LRP1B: variants seen among roughly 807,000 people sequenced by gnomAD.
LRP1B encodes low-density lipoprotein receptor-related protein 1B.
A neutral mutation model predicts 556.6 loss-of-function variants in LRP1B; 217 were observed. The observed-to-expected ratio is 0.39, with a 90% confidence interval of 0.35 to 0.44. The LOEUF is 0.44. Ranked by LOEUF, LRP1B falls within the 20% of genes least tolerant of loss-of-function variation. The pLI is 1.00. For synonymous variants in LRP1B, 2,047 were observed against 1,865.8 expected (o/e 1.10, Z -2.50); for missense variants, 5,053 against 5,620.8 (o/e 0.90, Z 3.23).
At chr2:141,921,874 T>G (rs1700194933) in intron 1 of LRP1B, among the ~76,000 whole-genome samples, 1 of 152,096 alleles carries the variant, frequency 6.6e-6, no homozygotes, top group Admixed American at 6.6e-5. Context: ...AATTTCACAC[T>G]TAAGGGTTTC....
At chr2:140,751,575 A>G (rs1024081241) in intron 35 of LRP1B, among the ~76,000 whole-genome samples, 1 of 152,318 alleles carries the variant, frequency 6.6e-6, no homozygotes, top group East Asian at 1.9e-4. Context: ...ATAATATTTT[A>G]ATACTTTATT....
chr2:141,195,425 T>C (rs1034135881), intron 6 of LRP1B, among the ~76,000 whole-genome samples: 5 of 152,120 alleles, frequency 3.3e-5, no homozygotes, highest in African/African-American at 7.2e-5. Flanking sequence ...TTCTGACCCA[T>C]AGAAACTGTA....
At position 141,566,608 on chromosome 2, in the gene LRP1B, A is replaced by G. The variant is rs144737969; in HGVS notation, c.206-86075T>C. 4.1e-3 allele frequency among the ~76,000 whole-genome samples: 624 copies of G among 152,312 alleles called. 6 individuals carry two copies. The highest frequency in any genetic ancestry group is 0.025 in the Admixed American group (379 of 15,304). On this transcript the variant is annotated intron_variant, in intron 2 of 90. Transcript: ENST00000389484. ...TGTGAAACGTGACTATCTAATAAAT[A>G]TAAAATCTCCAACCTCTCTTTGTTT...
At chr2:141,388,441 A>C (rs1689920287) in intron 3 of LRP1B, among the ~76,000 whole-genome samples, 1 of 152,190 alleles carries the variant, frequency 6.6e-6, no homozygotes, top group Non-Finnish European at 1.5e-5. Context: ...TGTCTCAAAA[A>C]TAAATAAATT....
intron 15 of LRP1B, among the ~76,000 whole-genome samples, chr2:140,998,795 G>T (rs1697327709): frequency 6.6e-6 from 1 of 151,982 alleles, no homozygotes; most frequent in Admixed American, 6.6e-5. Flanking sequence ...GTGGATTTTT[G>T]TTCATTTGAT....
At chr2:141,706,661 A>C (rs1692151958) in intron 2 of LRP1B, among the ~76,000 whole-genome samples, 1 of 152,140 alleles carries the variant, frequency 6.6e-6, no homozygotes, top group Non-Finnish European at 1.5e-5. Flanking sequence ...GGCAGAAAGC[A>C]ATGTGATCTT....
intron 62 of LRP1B, among the ~76,000 whole-genome samples, chr2:140,456,110 G>A (rs1029605051): frequency 1.3e-5 from 2 of 152,136 alleles, no homozygotes; most frequent in Non-Finnish European, 2.9e-5. Context: ...TCTAAGAAAT[G>A]GAGAGTGGGG....
intron 18 of LRP1B, among the ~76,000 whole-genome samples, chr2:140,976,503 C>CTTTTTTTTTTTTTTTTTT (rs1216208854): frequency 1.9e-5 from 2 of 105,356 alleles, no homozygotes; most frequent in South Asian, 3.2e-4. Context: ...TTTTTTTTTC[C>CTTTTTTTTTTTTTTTTTT]TTTTTTTTTT....
chr2:140,582,729 C>A (rs1208448264), intron 43 of LRP1B, among the ~76,000 whole-genome samples: 3 of 152,174 alleles, frequency 2.0e-5, no homozygotes, highest in Non-Finnish European at 4.4e-5. Flanking sequence ...CACTTCTCAG[C>A]CTCCAGAACT....
intron 1 of LRP1B, among the ~76,000 whole-genome samples, chr2:141,846,793 TA>T (rs1328865446): frequency 1.3e-5 from 2 of 151,124 alleles, no homozygotes; most frequent in East Asian, 1.9e-4. Context: ...TATCTTTTAA[TA>T]AAAAAAATAA....
In LRP1B at chr2:140,595,246, T is replaced by C. The variant is rs369264263; in HGVS notation, c.7194+3385A>G. ...AACAATTGACAATGCTTTCATTTCA[T>C]GTAGTAAGTGGAAGTCACTGGTTCC... On this transcript the variant is annotated intron_variant, in intron 43 of 90. Coordinates refer to ENST00000389484, the MANE Select transcript of LRP1B (RefSeq NM_018557.3). Among the ~76,000 whole-genome samples the C allele has an allele frequency of 6.6e-5, 10 of 151,622 alleles. 1 individual carries two copies. The East Asian group carries it at 1.8e-3, about 27-fold the overall frequency.
chr2:141,169,195 A>G (rs1002767884), intron 7 of LRP1B, among the ~76,000 whole-genome samples: 3 of 151,754 alleles, frequency 2.0e-5, no homozygotes, highest in Non-Finnish European at 4.4e-5. Flanking sequence ...CTGAGGTAGG[A>G]CAATCACTGG....
chr2:141,278,455 G>A (rs950932483), intron 3 of LRP1B, among the ~76,000 whole-genome samples: 1 of 151,984 alleles, frequency 6.6e-6, no homozygotes, highest in South Asian at 2.1e-4. Context: ...GTTCACTTTG[G>A]CCTTTAATTT....
chr2:142,112,275 A>T (rs1312541554), intron 1 of LRP1B, among the ~76,000 whole-genome samples: 3 of 152,102 alleles, frequency 2.0e-5, no homozygotes, highest in African/African-American at 7.2e-5. Context: ...GCAAATTCAG[A>T]ACATTGAATA....
At position 140,425,463 on chromosome 2, in the gene LRP1B, G is replaced by A. The variant is rs1015383100; in HGVS notation, c.10414+17041C>T. Among the ~76,000 whole-genome samples, 6 of 152,056 alleles carry A rather than the reference G, an allele frequency of 3.9e-5. No individual in the cohort carries two copies. The East Asian group carries it at 1.2e-3, about 29-fold the overall frequency. ...TTGTTGCCCAGGCTGGAGTGCAGTG[G>A]CATGATCTTGGCTCACTGCTCACTG... On this transcript the variant is annotated intron_variant, in intron 66 of 90. Coordinates refer to ENST00000389484, the MANE Select transcript of LRP1B (RefSeq NM_018557.3).
At chr2:141,368,468 T>C (rs2105585034) in intron 3 of LRP1B, among the ~76,000 whole-genome samples, 1 of 152,314 alleles carries the variant, frequency 6.6e-6, no homozygotes, top group African/African-American at 2.4e-5. Context: ...GATGGAGAAG[T>C]TCCTTAGCTT....
chr2:141,140,016 A>G (rs940147901), intron 7 of LRP1B, among the ~76,000 whole-genome samples: 3 of 152,146 alleles, frequency 2.0e-5, no homozygotes, highest in Non-Finnish European at 4.4e-5. Context: ...AGCAAAAAAA[A>G]AGAGATTAAT....
chr2:141,068,481 C>T (rs542963012), intron 7 of LRP1B, among the ~76,000 whole-genome samples: 1 of 151,072 alleles, frequency 6.6e-6, no homozygotes, highest in South Asian at 2.1e-4. Flanking sequence ...GCCACCTCAC[C>T]CTAATCTTAT....
At chr2:141,519,636 A>T (rs1265353217) in intron 2 of LRP1B, among the ~76,000 whole-genome samples, 1 of 151,962 alleles carries the variant, frequency 6.6e-6, no homozygotes, top group Non-Finnish European at 1.5e-5. Context: ...TCGAATTTAG[A>T]TATATTCTCC....
Sources: gnomAD v4.1 joint callset for allele counts (sites outside exome capture counted in the v4.1 genomes callset) on GRCh38, gnomAD v4.1.1 for gene constraint, MANE v1.5 for transcripts, NCBI Gene and HGNC (gene_info 2026-07-23, HGNC 2026-07-21) for gene names.